The following USP6NL variants were observed in gnomAD, a reference collection of about 807,000 sequenced individuals.
The protein encoded by USP6NL is USP6 N-terminal-like protein.
In USP6NL, 26 loss-of-function variants were observed where a neutral mutation model predicts 61.9. The observed-to-expected ratio is 0.42, with a 90% CI of 0.31 to 0.58. The LOEUF is 0.58. Among genes scored for constraint, USP6NL ranks in the 20% least tolerant of loss-of-function variants. The probability of loss-of-function intolerance (pLI) is 0.16; values close to 1 mark genes in which losing one functional copy is unlikely to be tolerated. For synonymous variants in USP6NL, 432 were observed against 390.1 expected (o/e 1.11, Z -1.27); for missense variants, 1,114 against 1,034.3 (o/e 1.08, Z -1.06).
intron 2 of USP6NL, chr10:11,564,776 G>T (rs1246596182): frequency 6.6e-6 from 1 of 152,220 alleles, no homozygotes; most frequent in Non-Finnish European, 1.5e-5. Flanking sequence ...TATTGCATGA[G>T]TGTCTGAGAA....
Position 11,478,760 on chromosome 10 carries a change from C to G in USP6NL, c.1078+3010G>C, listed in dbSNP as rs575539781. 2.4e-3 allele frequency among the ~76,000 whole-genome samples: 364 copies of G among 152,052 alleles called. No homozygotes were observed. Among genetic ancestry groups the G allele is most frequent in the Non-Finnish European group, 4.3e-3 (291 of 67,984 alleles). On this transcript the variant is annotated intron_variant, in intron 14 of 14. Transcript: ENST00000609104. The surrounding 1 kb of genome is among the most constrained non-coding windows in gnomAD (Gnocchi z 6.8). Reference sequence around the variant, plus strand: ...CCTCTACAAAAAATACTAAAATTACCCAGGAGTGGTGGCATGCACCTGTAG... The same window carrying G: ...CCTCTACAAAAAATACTAAAATTACGCAGGAGTGGTGGCATGCACCTGTAG...
At chr10:11,555,258 T>A (rs1281007155) in intron 2 of USP6NL, among the ~76,000 whole-genome samples, 2 of 146,840 alleles carry the variant, frequency 1.4e-5, no homozygotes, top group Non-Finnish European at 1.5e-5. Flanking sequence ...TCTACTAAAG[T>A]ACAAAAATTA....
intron 2 of USP6NL, among the ~76,000 whole-genome samples, chr10:11,583,185 T>A (rs966148924): frequency 4.9e-5 from 4 of 82,016 alleles, no homozygotes; most frequent in African/African-American, 1.8e-4. Flanking sequence ...ATGTTTTCAA[T>A]TTTTTTTTTT....
rs1328011164 is a variant in USP6NL at position 11,499,386 on chromosome 10, C to T, written c.384+1715G>A. Among the ~76,000 whole-genome samples, 1 of 152,072 alleles carries T rather than the reference C, an allele frequency of 6.6e-6. No individual in the cohort carries two copies. Among genetic ancestry groups the T allele is most frequent in the Non-Finnish European group, 1.5e-5 (1 of 68,014 alleles). On this transcript the variant is annotated intron_variant, in intron 7 of 14. Coordinates refer to ENST00000609104, the MANE Select transcript of USP6NL (RefSeq NM_014688.5). This position sits in a 1 kb window ranked among gnomAD's most constrained non-coding sequence, Gnocchi z 4.5. ...TAACTGGCCATCTGATAATTTTATT[C>T]TACATAGAAAAAGTCTAAAATATAA...
At chr10:11,547,572 C>T (rs938032282) in intron 2 of USP6NL, among the ~76,000 whole-genome samples, 2 of 146,920 alleles carry the variant, frequency 1.4e-5, no homozygotes, top group Non-Finnish European at 3.0e-5. Context: ...GACAGTCTCA[C>T]TCTGTCGCCC....
rs1321066373 is a variant in USP6NL at position 11,495,283 on chromosome 10, T to C, written c.385-2055A>G. ...ATTATAATATTGGAATATAGAGTAA[T>C]TGCTACAAACTAATGATTAATGATA... On this transcript the variant is annotated intron_variant, in intron 7 of 14. Transcript: ENST00000609104. The surrounding 1 kb of genome is among the most constrained non-coding windows in gnomAD (Gnocchi z 4.6). Among the ~76,000 whole-genome samples the C allele has an allele frequency of 6.6e-6, 1 of 152,220 alleles. No homozygotes were observed. The highest frequency in any genetic ancestry group is 1.9e-4 in the East Asian group (1 of 5,206).
chr10:11,483,226 C>T (rs1833279534), intron 13 of USP6NL, among the ~76,000 whole-genome samples: 1 of 151,236 alleles, frequency 6.6e-6, no homozygotes, highest in South Asian at 2.1e-4. Flanking sequence ...GATTTGTCCA[C>T]AGCTCATTTA....
intron 7 of USP6NL, among the ~76,000 whole-genome samples, chr10:11,497,909 G>A (rs1381116587): frequency 1.3e-5 from 2 of 152,062 alleles, no homozygotes; most frequent in East Asian, 1.9e-4. Context: ...ATAAACCTGA[G>A]GGCAGAAGTA....
intron 2 of USP6NL, among the ~76,000 whole-genome samples, chr10:11,565,912 T>C (rs1837133352): frequency 7.0e-6 from 1 of 142,902 alleles, no homozygotes; most frequent in African/African-American, 2.7e-5. Flanking sequence ...CTGATTGCAA[T>C]TCAAATATTG....
intron 2 of USP6NL, among the ~76,000 whole-genome samples, chr10:11,560,702 A>AATATATATATATTATATAT (rs1836894896): frequency 8.2e-6 from 1 of 122,612 alleles, no homozygotes; most frequent in South Asian, 3.2e-4. Context: ...AACAGTAAAA[A>AATATATATATATTATATAT]ATATATATAT....
intron 2 of USP6NL, among the ~76,000 whole-genome samples, chr10:11,555,188 G>A (rs1259982799): frequency 6.8e-6 from 1 of 146,540 alleles, no homozygotes; most frequent in Non-Finnish European, 1.5e-5. Context: ...GGCCGAGGCA[G>A]GTGGATCACC....
At chr10:11,477,361 G>GT (rs1833012636) in intron 14 of USP6NL, among the ~76,000 whole-genome samples, 1 of 152,120 alleles carries the variant, frequency 6.6e-6, no homozygotes, top group African/African-American at 2.4e-5. Flanking sequence ...AAAAAGAACC[G>GT]TAAGAGATTG....
chr10:11,490,466 G>C lies in USP6NL; in HGVS notation c.543+366C>G, dbSNP rs1271595335. On this transcript the variant is annotated intron_variant, in intron 9 of 14. Coordinates refer to ENST00000609104, the MANE Select transcript of USP6NL (RefSeq NM_014688.5). This position sits in a 1 kb window ranked among gnomAD's most constrained non-coding sequence, Gnocchi z 4.5. ...AAGTAACCTCCCAAGAGCAAAGAGA[G>C]TTATAAAAAGTCAAGCAAAAATTAA... Among the ~76,000 whole-genome samples the C allele has an allele frequency of 6.6e-6, 1 of 152,192 alleles. No individual in the cohort carries two copies. The highest frequency in any genetic ancestry group is 1.5e-5 in the Non-Finnish European group (1 of 68,026).
At position 11,499,637 on chromosome 10, in the gene USP6NL, G is replaced by T. The variant is rs1458732834; in HGVS notation, c.384+1464C>A. On this transcript the variant is annotated intron_variant, in intron 7 of 14. Transcript: ENST00000609104. The surrounding 1 kb of genome is among the most constrained non-coding windows in gnomAD (Gnocchi z 4.5). Reference sequence around the variant, plus strand: ...CATTCACAGGAGGGAGGATAGCCAGGTGATAAGGAAGACAGGGATGGAGCG... The same window carrying T: ...CATTCACAGGAGGGAGGATAGCCAGTTGATAAGGAAGACAGGGATGGAGCG... Among the ~76,000 whole-genome samples the T allele has an allele frequency of 6.6e-6, 1 of 152,206 alleles. No individual in the cohort carries two copies. Among genetic ancestry groups the T allele is most frequent in the Non-Finnish European group, 1.5e-5 (1 of 68,040 alleles).
chr10:11,546,910 T>C (rs1241567504), intron 2 of USP6NL, among the ~76,000 whole-genome samples: 2 of 152,232 alleles, frequency 1.3e-5, no homozygotes, highest in Non-Finnish European at 1.5e-5. Flanking sequence ...TAACAAATAA[T>C]GTCTGGAATG....
intron 2 of USP6NL, among the ~76,000 whole-genome samples, chr10:11,533,343 A>G (rs1835726065): frequency 1.3e-5 from 2 of 152,258 alleles, no homozygotes; most frequent in African/African-American, 4.8e-5. Flanking sequence ...AAGGTGTGGT[A>G]AGCTGAAGAC....
At position 11,598,075 on chromosome 10, in the gene USP6NL, C is replaced by T. The variant is rs921641037; in HGVS notation, c.-83-358G>A. Among the ~76,000 whole-genome samples, 1 of 152,190 alleles carries T rather than the reference C, an allele frequency of 6.6e-6. No homozygotes were observed. The highest frequency in any genetic ancestry group is 1.5e-5 in the Non-Finnish European group (1 of 68,024). On this transcript the variant is annotated intron_variant, in intron 1 of 14. Transcript: ENST00000609104. The surrounding 1 kb of genome is among the most constrained non-coding windows in gnomAD (Gnocchi z 4.7). ...CTCCATCTAGGGTAAATACAGCCCACATCATCCCTGCTGAGTATATTTTGA... is the reference window on the plus strand; with the variant it reads ...CTCCATCTAGGGTAAATACAGCCCATATCATCCCTGCTGAGTATATTTTGA...
intron 4 of USP6NL, among the ~76,000 whole-genome samples, chr10:11,522,573 A>G (rs1038126139): frequency 6.6e-6 from 1 of 152,232 alleles, no homozygotes; most frequent in African/African-American, 2.4e-5. Flanking sequence ...ATCCATTTCT[A>G]TGCTTCATTA....
rs1213110112 is a variant in USP6NL at position 11,462,452 on chromosome 10, C to CT, written c.2475dup (p.Val826SerfsTer36). 1 of 1,613,156 alleles carries CT rather than the reference C, an allele frequency of 6.2e-7. No individual in the cohort carries two copies. The highest frequency in any genetic ancestry group is 1.1e-5 in the South Asian group (1 of 90,996). On this transcript the variant is annotated frameshift_variant, in exon 15 of 15. Coordinates refer to ENST00000609104, the MANE Select transcript of USP6NL (RefSeq NM_014688.5). LOFTEE classifies it high-confidence loss of function. ...GTACACGTCAAATCTCACAGCAACACTGACTCTTGGATGGAAAGCCCGTCC... is the reference window on the plus strand; with the variant it reads ...GTACACGTCAAATCTCACAGCAACACTTGACTCTTGGATGGAAAGCCCGTCC...
Sources: gnomAD v4.1 joint callset for allele counts (sites outside exome capture counted in the v4.1 genomes callset) on GRCh38, gnomAD v4.1.1 for gene constraint, Gnocchi (gnomAD v3.1) non-coding constraint, MANE v1.5 for transcripts, NCBI Gene and HGNC (gene_info 2026-07-23, HGNC 2026-07-21) for gene names.